Variants in ADAM8 observed in about 807,000 individuals in gnomAD.
ADAM8 encodes the protein disintegrin and metalloproteinase domain-containing protein 8.
In ADAM8, 104 loss-of-function variants were observed where a neutral mutation model predicts 102.4. That is an observed-to-expected ratio of 1.02 (90% CI 0.87 to 1.20). The LOEUF (loss-of-function observed/expected upper bound fraction) is 1.20, where lower values mean the gene tolerates loss of function less well. Among genes scored for constraint, ADAM8 ranks in the 50% most tolerant of loss-of-function variants. The probability of loss-of-function intolerance (pLI) is 0.00; values close to 1 mark genes in which losing one functional copy is unlikely to be tolerated. For synonymous variants in ADAM8, 517 were observed against 485.2 expected, an observed-to-expected ratio of 1.07 and a Z score of -0.86; for missense variants, 1,132 against 1,159.0, an observed-to-expected ratio of 0.98 and a Z score of 0.34.
At position 133,276,835 on chromosome 10, in the gene ADAM8, G is replaced by T; in HGVS notation, c.-18C>A. 6.6e-7 allele frequency: 1 copy of T among 1,520,154 alleles called. No homozygotes were observed. 94.2% of individuals were successfully genotyped at this position (1,520,154 alleles called of 1,614,324 possible). A position where few individuals can be genotyped will look rare whatever the true frequency, so the allele number is the denominator to read the frequency against. On this transcript the variant is annotated 5_prime_UTR_variant, in exon 1 of 23. The change creates a new upstream start codon in the 5' untranslated region. Coordinates refer to ENST00000445355, the MANE Select transcript of ADAM8 (RefSeq NM_001109.5). Reference sequence around the variant, plus strand: ...CCGCGCATGGCCGGGTCGGGGAGCAGAGGCGGAGGTGACAGCCCCGCGGGA... The same window carrying T: ...CCGCGCATGGCCGGGTCGGGGAGCATAGGCGGAGGTGACAGCCCCGCGGGA...
chr10:133,263,637 C>T (rs556107029), intron 22 of ADAM8, 51 bp downstream of exon 22: 1 of 1,472,986 alleles, frequency 6.8e-7, no homozygotes, highest in Non-Finnish European at 9.0e-7. Flanking sequence ...GTGGGGAGGC[C>T]GTGCCGTCCA....
In ADAM8 at chr10:133,263,720, C is replaced by CG. The variant is rs763945958; in HGVS notation, c.2364dup (p.Gly789ArgfsTer11). ...GGACCAGGGTTGGCCGCACCAGCCC[C>CG]GGGTTTGACTGGGGGCACTGGGGGT... On this transcript the variant is annotated frameshift_variant, in exon 22 of 23. Transcript: ENST00000445355. LOFTEE classifies it low-confidence loss of function (END_TRUNC). The CG allele has an allele frequency of 1.4e-5, 22 of 1,552,220 alleles. No individual in the cohort carries two copies. The highest frequency in any genetic ancestry group is 1.7e-5 in the Non-Finnish European group (20 of 1,149,410).
At position 133,262,452 on chromosome 10, in the gene ADAM8, C is replaced by T. The variant is rs1005717238; in HGVS notation, c.*704G>A. On this transcript the variant is annotated 3_prime_UTR_variant, in exon 23 of 23. Coordinates refer to ENST00000445355, the MANE Select transcript of ADAM8 (RefSeq NM_001109.5). ...GTCAATAATTTATTAGTAAAATATA[C>T]ATTTCTCATTATTAAAGAATAAAAG... 6.6e-6 allele frequency: 1 copy of T among 152,252 alleles called. No individual in the cohort carries two copies. The highest frequency in any genetic ancestry group is 1.5e-5 in the Non-Finnish European group (1 of 68,052). 9.4% of individuals were successfully genotyped at this position (152,252 alleles called of 1,614,324 possible).
In ADAM8 at chr10:133,271,582, C is replaced by A; in HGVS notation, c.1230G>T (p.Val410=). ...CACGCTCCACAAACAGGTTCCCACACACGGGGCCGCCCACCAGGTGGCTGA... is the reference window on the plus strand; with the variant it reads ...CACGCTCCACAAACAGGTTCCCACAAACGGGGCCGCCCACCAGGTGGCTGA... The part of the protein sequence containing the change: ...PDLSHLVGGP[V]CGNLFVERGE... The change falls in exon 12 of 23, where the codon GTG becomes GTT. Residue 410 remains valine, a synonymous_variant. Coordinates refer to ENST00000445355, the MANE Select transcript of ADAM8 (RefSeq NM_001109.5). 6.4e-7 allele frequency: 1 copy of A among 1,558,574 alleles called. No homozygotes were observed. The highest frequency in any genetic ancestry group is 8.7e-7 in the Non-Finnish European group (1 of 1,151,352).
At chr10:133,272,087 C>A (rs1181163594) in intron 10 of ADAM8, 106 bp downstream of exon 10, 3 of 1,506,872 alleles carry the variant, frequency 2.0e-6, no homozygotes, top group African/African-American at 1.4e-5. Flanking sequence ...AGGCATTAAA[C>A]CTGGCCTGAG....
chr10:133,272,350 C>A, intron 9 of ADAM8, 66 bp downstream of exon 9: 3 of 1,374,954 alleles, frequency 2.2e-6, no homozygotes, highest in Admixed American at 2.3e-5. Flanking sequence ...CCTGCTCTCC[C>A]TTCCACCCCA....
chr10:133,271,967 C>T lies in ADAM8; in HGVS notation c.958-13G>A. The stretch of plus-strand genomic sequence containing the variant: ...TCTTGCTGTGGTCCTGCAGGAGGGT[C>T]TGTGCTCTCAGGAACCATGTGGCCA... On this transcript the variant is annotated splice_polypyrimidine_tract_variant and intron_variant, in intron 10 of 22. Coordinates refer to ENST00000445355, the MANE Select transcript of ADAM8 (RefSeq NM_001109.5). 1 of 1,606,652 alleles carries T rather than the reference C, an allele frequency of 6.2e-7. No individual in the cohort carries two copies. The highest frequency in any genetic ancestry group is 8.5e-7 in the Non-Finnish European group (1 of 1,175,032).
intron 7 of ADAM8, 44 bp downstream of exon 7, chr10:133,272,913 C>T (rs1431683782): frequency 3.7e-6 from 6 of 1,611,388 alleles, no homozygotes; most frequent in African/African-American, 1.3e-5. Flanking sequence ...CCCCCCATGC[C>T]CCCGCCGCCG....
At chr10:133,273,623 G>T in intron 5 of ADAM8, 139 bp downstream of exon 5, 2 of 1,289,638 alleles carry the variant, frequency 1.6e-6, no homozygotes, top group South Asian at 1.4e-5. Flanking sequence ...GGCGTCCCCT[G>T]AGCAGACCCC....
intron 1 of ADAM8, among the ~76,000 whole-genome samples, chr10:133,276,554 C>A (rs1846760789): frequency 6.6e-6 from 1 of 152,230 alleles, no homozygotes; most frequent in South Asian, 2.1e-4. Context: ...TCACAGTTCA[C>A]CTTTGAAGGT....
Position 133,271,851 on chromosome 10 carries a change from TG to T in ADAM8, c.1060del (p.Gln354ArgfsTer106), listed in dbSNP as rs1473044559. 6.2e-7 allele frequency: 1 copy of T among 1,612,540 alleles called. No homozygotes were observed. On this transcript the variant is annotated frameshift_variant, in exon 11 of 23. Coordinates refer to ENST00000445355, the MANE Select transcript of ADAM8 (RefSeq NM_001109.5). LOFTEE classifies it high-confidence loss of function. ...HDENVQGCRC[Q>X]ERFEAGRCIM... ...GCAGCGGCCGGCCTCGAAGCGTTCC[TG>T]GCAGCGGCAGCCCTGGACGTTCTCA...
At position 133,268,855 on chromosome 10, in the gene ADAM8, C is replaced by G. The variant is rs1846421202; in HGVS notation, c.1956G>C (p.Gly652=). Residue 652 remains glycine, a synonymous_variant, in exon 19 of 23, where the codon GGG becomes GGC. Transcript: ENST00000445355. The part of the protein sequence containing the change: ...KLLTEVHAAS[G]SLPVFVVVVL... ...CCACCACCACGAAGACGGGGAGGCT[C>G]CCGGACGCTGTGGGACACACGGCCC... The G allele has an allele frequency of 6.2e-7, 1 of 1,606,268 alleles. No homozygotes were observed. The highest frequency in any genetic ancestry group is 1.1e-5 in the South Asian group (1 of 90,994).
chr10:133,276,843 G>A lies in ADAM8; in HGVS notation c.-26C>T. 6.6e-7 allele frequency: 1 copy of A among 1,517,520 alleles called. No homozygotes were observed. Among genetic ancestry groups the A allele is most frequent in the Non-Finnish European group, 8.8e-7 (1 of 1,136,840 alleles). 94.0% of individuals were successfully genotyped at this position (1,517,520 alleles called of 1,614,324 possible). A position where few individuals can be genotyped will look rare whatever the true frequency, so the allele number is the denominator to read the frequency against. Reference sequence around the variant, plus strand: ...GGCCGGGTCGGGGAGCAGAGGCGGAGGTGACAGCCCCGCGGGACACGGTCT... The same window carrying A: ...GGCCGGGTCGGGGAGCAGAGGCGGAAGTGACAGCCCCGCGGGACACGGTCT... On this transcript the variant is annotated 5_prime_UTR_variant, in exon 1 of 23. Transcript: ENST00000445355.
Position 133,268,004 on chromosome 10 carries a change from C to G in ADAM8, c.2178G>C (p.Leu726=). Residue 726 remains leucine, a synonymous_variant, in exon 20 of 23, where the codon CTG becomes CTC. Coordinates refer to ENST00000445355, the MANE Select transcript of ADAM8 (RefSeq NM_001109.5). ...APAPSRGPQE[L]VPTTHPGQPA... Reference sequence around the variant, plus strand: ...GCTGGCCCGGGTGGGTGGTGGGGACCAGCTCTTGGGGGCCCCTGGATGGGG... The same window carrying G: ...GCTGGCCCGGGTGGGTGGTGGGGACGAGCTCTTGGGGGCCCCTGGATGGGG... 7.9e-7 allele frequency: 1 copy of G among 1,260,666 alleles called. No homozygotes were observed. The highest frequency in any genetic ancestry group is 3.1e-5 in the East Asian group (1 of 32,318). The allele number at this position is 1,260,666 out of a possible 1,614,324, so 78.1% of individuals were successfully genotyped here.
At chr10:133,273,109 G>A (rs1846610150) in intron 6 of ADAM8, 90 bp from the exon 7 acceptor site, 4 of 1,601,674 alleles carry the variant, frequency 2.5e-6, no homozygotes, top group Admixed American at 1.7e-5. Flanking sequence ...TCCAGCCCCT[G>A]TCCAGTGCTG....
rs956631360 is a variant in ADAM8, at chr10:133,272,976, A to G, written c.617T>C (p.Val206Ala). The G allele has an allele frequency of 6.2e-7, 1 of 1,612,698 alleles. No homozygotes were observed. The highest frequency in any genetic ancestry group is 8.5e-7 in the Non-Finnish European group (1 of 1,179,906). Residue 206 changes from valine to alanine, a missense_variant, in exon 7 of 23, where the codon GTG becomes GCG. By Grantham distance (64) the Val-to-Ala change is moderately conservative (BLOSUM62 0). Coordinates refer to ENST00000445355, the MANE Select transcript of ADAM8 (RefSeq NM_001109.5). ...SRETRYVELY[V>A]VVDNAEFQML... is the part of the protein sequence containing the mutation. ...ACACACCTCTGCATTGTCCACGACC[A>G]CATACAGCTCCACGTAGCGGGTCTC...
At position 133,274,319 on chromosome 10, in the gene ADAM8, G is replaced by T. The variant is rs937260151; in HGVS notation, c.151-84C>A. 72 of 1,278,962 alleles carry T rather than the reference G, an allele frequency of 5.6e-5. 1 individual carries two copies. Among genetic ancestry groups the T allele is most frequent in the East Asian group, 4.2e-4 (17 of 40,092 alleles). The allele number at this position is 1,278,962 out of a possible 1,614,324, so 79.2% of individuals were successfully genotyped here. On this transcript the variant is annotated intron_variant, in intron 2 of 22. Coordinates refer to ENST00000445355, the MANE Select transcript of ADAM8 (RefSeq NM_001109.5). ...TCCTGGGGGCCAGAGAAGCTCAGCT[G>T]GGGGGGAAGGGGTGCCGGCCTCCAG...
intron 2 of ADAM8, 130 bp downstream of exon 2, chr10:133,275,354 G>A (rs1340592738): frequency 3.0e-6 from 2 of 664,170 alleles, no homozygotes; most frequent in Admixed American, 6.8e-5. Flanking sequence ...GGGCCCCAGG[G>A]GGCTAGAGCT....
At chr10:133,267,228 C>A in intron 21 of ADAM8, 124 bp downstream of exon 21, 3 of 1,111,184 alleles carry the variant, frequency 2.7e-6, no homozygotes, top group Non-Finnish European at 4.0e-6. Context: ...GGCTAACCAG[C>A]CTTCTGTGTA....
Sources: gnomAD v4.1 joint callset for allele counts (sites outside exome capture counted in the v4.1 genomes callset) on GRCh38, gnomAD v4.1.1 for gene constraint, MANE v1.5 for transcripts, NCBI Gene and HGNC (gene_info 2026-07-23, HGNC 2026-07-21) for gene names.